The following FBXL17 variants were observed in gnomAD, a reference collection of about 807,000 sequenced individuals.
The protein encoded by FBXL17 is F-box and leucine rich repeat protein 17, also known as F-box/LRR-repeat protein 17.
In FBXL17, 22 loss-of-function variants were observed where a neutral mutation model predicts 66.2. The ratio of observed to expected loss-of-function variants is 0.33; its 90% confidence interval spans 0.24 to 0.47. The LOEUF is 0.47. Among genes scored for constraint, FBXL17 ranks in the 20% least tolerant of loss-of-function variants. The pLI is 1.00. For synonymous variants in FBXL17, 474 were observed against 400.5 expected (o/e 1.18, Z -2.19); for missense variants, 878 against 948.2 (o/e 0.93, Z 0.97).
chr5:108,229,461 T>G lies in FBXL17; in HGVS notation c.1507-5233A>C, dbSNP rs573438156. On this transcript the variant is annotated intron_variant, in intron 4 of 8. Coordinates refer to ENST00000542267, the MANE Select transcript of FBXL17 (RefSeq NM_001163315.3). ...AGACAAAGCCAACAAAAACATAAAG[T>G]GAGAAAAGGACACCCTGTTCAACAA... Among the ~76,000 whole-genome samples the G allele has an allele frequency of 1.9e-4, 29 of 152,052 alleles. No individual in the cohort carries two copies. In the South Asian group the frequency reaches 6.0e-3, roughly 32 times the overall value.
chr5:108,184,695 GATC>G (rs1220205725), intron 6 of FBXL17, among the ~76,000 whole-genome samples: 4 of 126,460 alleles, frequency 3.2e-5, no homozygotes, highest in African/African-American at 1.2e-4. Flanking sequence ...AGTGAGCAGA[GATC>G]ATGCCACTGA....
At chr5:108,197,178 G>A (rs1753713418) in intron 5 of FBXL17, among the ~76,000 whole-genome samples, 1 of 152,122 alleles carries the variant, frequency 6.6e-6, no homozygotes. Flanking sequence ...AGCACTTAAA[G>A]TTAGCAGCGC....
chr5:108,229,640 T>C (rs562833975), intron 4 of FBXL17, among the ~76,000 whole-genome samples: 6 of 152,188 alleles, frequency 3.9e-5, no homozygotes, highest in Non-Finnish European at 8.8e-5. Context: ...GAAAAACCCT[T>C]GTAGACACTG....
intron 7 of FBXL17, among the ~76,000 whole-genome samples, chr5:107,903,097 C>T (rs1036557432): frequency 2.0e-5 from 3 of 152,094 alleles, no homozygotes; most frequent in Admixed American, 6.6e-5. Context: ...TAACTGTAAC[C>T]TGACTTGTAA....
At chr5:108,178,120 G>T (rs1752865323) in intron 6 of FBXL17, among the ~76,000 whole-genome samples, 1 of 151,870 alleles carries the variant, frequency 6.6e-6, no homozygotes, top group African/African-American at 2.4e-5. Flanking sequence ...CTGCCTCCCA[G>T]TCTCAAGCAA....
At chr5:108,210,397 G>A (rs1350242889) in intron 5 of FBXL17, among the ~76,000 whole-genome samples, 2 of 152,072 alleles carry the variant, frequency 1.3e-5, no homozygotes, top group African/African-American at 4.8e-5. Flanking sequence ...TACTAATTTT[G>A]ATGTTAGGGT....
chr5:108,358,386 C>T (rs370164719), intron 3 of FBXL17, among the ~76,000 whole-genome samples: 18 of 151,988 alleles, frequency 1.2e-4, no homozygotes, highest in African/African-American at 4.1e-4. Context: ...TTTTGCTTTG[C>T]TTTTTCAAGA....
intron 5 of FBXL17, among the ~76,000 whole-genome samples, chr5:108,187,655 C>T (rs1278448224): frequency 2.0e-5 from 3 of 152,100 alleles, no homozygotes; most frequent in Non-Finnish European, 4.4e-5. Flanking sequence ...AGCTGCCAGC[C>T]GGGAAGAGAT....
chr5:107,984,058 T>C lies in FBXL17; in HGVS notation c.1822+36867A>G, dbSNP rs142374556. 6.6e-5 allele frequency among the ~76,000 whole-genome samples: 10 copies of C among 152,288 alleles called. No homozygotes were observed. The East Asian group carries it at 1.9e-3, about 29-fold the overall frequency. ...TCTTCTTGTATCTGTAAATTCTTTA[T>C]ATTCTATTAATTTCTATCACAGGCA... On this transcript the variant is annotated intron_variant, in intron 7 of 8. Transcript: ENST00000542267.
chr5:107,919,104 G>T (rs1433523742), intron 7 of FBXL17, among the ~76,000 whole-genome samples: 1 of 152,090 alleles, frequency 6.6e-6, no homozygotes, highest in Non-Finnish European at 1.5e-5. Flanking sequence ...TTTAAAGACA[G>T]ATAAACAGAT....
chr5:107,903,987 T>C (rs1749662931), intron 7 of FBXL17, among the ~76,000 whole-genome samples: 1 of 152,174 alleles, frequency 6.6e-6, no homozygotes, highest in African/African-American at 2.4e-5. Flanking sequence ...CTAAAATATC[T>C]ATAGTTACAT....
intron 5 of FBXL17, among the ~76,000 whole-genome samples, chr5:108,217,636 T>C (rs1362470761): frequency 6.6e-6 from 1 of 151,732 alleles, no homozygotes; most frequent in Non-Finnish European, 1.5e-5. Flanking sequence ...TTACTTACTA[T>C]AGTAAATATG....
chr5:108,125,173 A>C (rs1279386435), intron 6 of FBXL17, among the ~76,000 whole-genome samples: 2 of 152,062 alleles, frequency 1.3e-5, no homozygotes, highest in Non-Finnish European at 2.9e-5. Flanking sequence ...CATACTATAA[A>C]AATAAAATGT....
intron 4 of FBXL17, among the ~76,000 whole-genome samples, chr5:108,306,375 T>G (rs528531968): frequency 6.6e-6 from 1 of 152,164 alleles, no homozygotes; most frequent in East Asian, 1.9e-4. Context: ...CAACATTATA[T>G]TCAATAATTT....
intron 4 of FBXL17, among the ~76,000 whole-genome samples, chr5:108,302,687 T>C (rs1320156597): frequency 6.6e-6 from 1 of 151,832 alleles, no homozygotes; most frequent in Non-Finnish European, 1.5e-5. Context: ...CTTAAATATT[T>C]CAATATAAAA....
intron 8 of FBXL17, chr5:107,878,721 A>T: frequency 1.0e-6 from 1 of 985,494 alleles, no homozygotes; most frequent in Non-Finnish European, 1.2e-6. Context: ...TAAACCAACA[A>T]GCAGGCTTTT....
chr5:108,163,388 C>CTTT (rs35783752), intron 6 of FBXL17, among the ~76,000 whole-genome samples: 2 of 127,996 alleles, frequency 1.6e-5, no homozygotes, highest in African/African-American at 2.8e-5. Context: ...GACATGAAAA[C>CTTT]TTTTTTTTTT....
intron 7 of FBXL17, among the ~76,000 whole-genome samples, chr5:107,901,115 T>C (rs1281812174): frequency 1.3e-5 from 2 of 152,226 alleles, no homozygotes; most frequent in Non-Finnish European, 2.9e-5. Context: ...ATAATATTTG[T>C]AACGATTCTT....
At chr5:108,302,077 A>G in intron 4 of FBXL17, 1 of 968,276 alleles carries the variant, frequency 1.0e-6, no homozygotes, top group Non-Finnish European at 1.2e-6. Context: ...AACATGCCAC[A>G]AATGTGGACC....
Sources: gnomAD v4.1 joint callset for allele counts (sites outside exome capture counted in the v4.1 genomes callset) on GRCh38, gnomAD v4.1.1 for gene constraint, MANE v1.5 for transcripts, NCBI Gene and HGNC (gene_info 2026-07-23, HGNC 2026-07-21) for gene names.